Variants in USO1 observed in about 807,000 individuals in gnomAD.
USO1 encodes USO1 vesicle transport factor.
A neutral mutation model predicts 124.5 loss-of-function variants in USO1; 57 were observed. That is an observed-to-expected ratio of 0.46 (90% CI 0.37 to 0.57). The LOEUF (loss-of-function observed/expected upper bound fraction) is 0.57. Among genes scored for constraint, USO1 ranks in the 20% least tolerant of loss-of-function variants. The pLI, the probability that USO1 is intolerant of heterozygous loss-of-function variation, is 0.00. For missense variants in USO1, 900 were observed against 1,040.6 expected (o/e 0.86, Z 1.86); for synonymous variants, 369 against 362.8 (o/e 1.02, Z -0.19).
chr4:75,758,481 A>T (rs907537057), intron 4 of USO1, among the ~76,000 whole-genome samples: 8 of 152,356 alleles, frequency 5.3e-5, no homozygotes, highest in African/African-American at 1.9e-4. Flanking sequence ...AAAGTAGAGC[A>T]GGAATATATG....
At chr4:75,787,529 A>G (rs17000870) in intron 10 of USO1, among the ~76,000 whole-genome samples, 1 of 152,156 alleles carries the variant, frequency 6.6e-6, no homozygotes, top group African/African-American at 2.4e-5. Context: ...ACTTAGTCTT[A>G]CTCAACCGGC....
intron 20 of USO1, among the ~76,000 whole-genome samples, chr4:75,807,395 A>G (rs1485679173): frequency 2.7e-5 from 4 of 150,812 alleles, no homozygotes; most frequent in South Asian, 2.1e-4. Context: ...TCCAAGCAAT[A>G]CTAAAAAATG....
intron 8 of USO1, among the ~76,000 whole-genome samples, chr4:75,781,859 C>T (rs1722231206): frequency 6.6e-6 from 1 of 152,134 alleles, no homozygotes; most frequent in South Asian, 2.1e-4. Context: ...CGTACAGCAT[C>T]CAGCATCAGT....
Sources: gnomAD v4.1 joint callset for allele counts (sites outside exome capture counted in the v4.1 genomes callset) on GRCh38, gnomAD v4.1.1 for gene constraint, MANE v1.5 for transcripts, NCBI Gene and HGNC (gene_info 2026-07-23, HGNC 2026-07-21) for gene names.